TENM3: variants seen among roughly 807,000 people sequenced by gnomAD.
TENM3 encodes the protein teneurin transmembrane protein 3.
TENM3 carries 63 observed loss-of-function variants against 255.1 expected under a neutral mutation model. The observed-to-expected ratio is 0.25, with a 90% CI of 0.20 to 0.30. TENM3 has a LOEUF of 0.30. Ranked by LOEUF, TENM3 falls within the 10% of genes least tolerant of loss-of-function variation. The pLI, the probability that TENM3 is intolerant of heterozygous loss-of-function variation, is 1.00. For synonymous variants in TENM3, 1,306 were observed against 1,322.3 expected (o/e 0.99, Z 0.27); for missense variants, 2,929 against 3,461.1 (o/e 0.85, Z 3.86).
At chr4:182,635,306 C>T (rs1311841306) in intron 5 of TENM3, among the ~76,000 whole-genome samples, 1 of 152,146 alleles carries the variant, frequency 6.6e-6, no homozygotes, top group African/African-American at 2.4e-5. Context: ...GTGATTTATC[C>T]ATTTAAATAT....
the TENM3 span, among the ~76,000 whole-genome samples, chr4:181,674,800 C>CT: frequency 1.3e-5 from 2 of 152,060 alleles, no homozygotes; most frequent in Non-Finnish European, 2.9e-5. Flanking sequence ...AAATGTCTTG[C>CT]TTTTTTTAAA....
chr4:182,027,874 CTGG>C, the TENM3 span, among the ~76,000 whole-genome samples: 3 of 151,440 alleles, frequency 2.0e-5, no homozygotes, highest in South Asian at 2.1e-4. Flanking sequence ...TGCTAGTATT[CTGG>C]TGATGATTTT....
intron 5 of TENM3, among the ~76,000 whole-genome samples, chr4:182,648,604 T>C (rs983267757): frequency 6.6e-6 from 1 of 152,092 alleles, no homozygotes; most frequent in Non-Finnish European, 1.5e-5. Flanking sequence ...TTTATTTAAG[T>C]ATAATATACA....
chr4:181,579,201 G>C, the TENM3 span, among the ~76,000 whole-genome samples: 1 of 152,150 alleles, frequency 6.6e-6, no homozygotes, highest in South Asian at 2.1e-4. Context: ...ATAAGCATCA[G>C]TTGTGAGAAA....
chr4:182,552,891 T>G (rs1206494828), intron 3 of TENM3, among the ~76,000 whole-genome samples: 1 of 152,180 alleles, frequency 6.6e-6, no homozygotes, highest in African/African-American at 2.4e-5. Flanking sequence ...TGTGACTGAA[T>G]TTAGGGATTA....
chr4:181,902,416 A>C, the TENM3 span, among the ~76,000 whole-genome samples: 2 of 152,126 alleles, frequency 1.3e-5, no homozygotes, highest in Admixed American at 1.3e-4. Context: ...TGTTTTAGTC[A>C]GGAAGTCTTT....
chr4:181,635,967 T>G, the TENM3 span, among the ~76,000 whole-genome samples: 1 of 152,256 alleles, frequency 6.6e-6, no homozygotes, highest in African/African-American at 2.4e-5. Context: ...GATACACATA[T>G]GCCATATATA....
chr4:182,330,907 TAA>T (rs1647333724), intron 2 of TENM3, among the ~76,000 whole-genome samples: 1 of 152,170 alleles, frequency 6.6e-6, no homozygotes, highest in South Asian at 2.1e-4. Flanking sequence ...AGTAGAAAAG[TAA>T]AAGTGTTCCA....
At chr4:182,466,751 C>G (rs555497179) in intron 3 of TENM3, among the ~76,000 whole-genome samples, 1 of 151,958 alleles carries the variant, frequency 6.6e-6, no homozygotes, top group Non-Finnish European at 1.5e-5. Flanking sequence ...GGTCACATTC[C>G]GAGCTTCTTG....
chr4:181,860,986 T>A, the TENM3 span, among the ~76,000 whole-genome samples: 1 of 152,000 alleles, frequency 6.6e-6, no homozygotes, highest in Non-Finnish European at 1.5e-5. Flanking sequence ...CAAACAGGGG[T>A]TGATATCGAA....
At chr4:181,629,074 G>T in the TENM3 span, among the ~76,000 whole-genome samples, 1 of 151,964 alleles carries the variant, frequency 6.6e-6, no homozygotes, top group African/African-American at 2.4e-5. Context: ...TGGATTCCTG[G>T]GTATTTTATT....
At chr4:181,612,862 A>G in the TENM3 span, among the ~76,000 whole-genome samples, 1 of 152,216 alleles carries the variant, frequency 6.6e-6, no homozygotes, top group African/African-American at 2.4e-5. Flanking sequence ...TTTAAATAAA[A>G]AAGATACAAC....
At chr4:181,880,597 A>G in the TENM3 span, among the ~76,000 whole-genome samples, 1 of 152,228 alleles carries the variant, frequency 6.6e-6, no homozygotes, top group Non-Finnish European at 1.5e-5. Flanking sequence ...AAAGTAGTGA[A>G]TATGGTGATA....
chr4:182,673,300 G>A, intron 7 of TENM3, 81 bp downstream of exon 7: 1 of 1,006,850 alleles, frequency 9.9e-7, no homozygotes, highest in Non-Finnish European at 1.4e-6. Context: ...AAGCTCAGCT[G>A]TTTGGTTAAC....
intron 13 of TENM3, among the ~76,000 whole-genome samples, chr4:182,721,095 G>A (rs561609976): frequency 2.0e-5 from 3 of 152,172 alleles, no homozygotes; most frequent in Middle Eastern, 3.4e-3. Context: ...TTTTACACCC[G>A]TGCCCAGCAG....
chr4:182,062,694 C>A, the TENM3 span, among the ~76,000 whole-genome samples: 1 of 152,316 alleles, frequency 6.6e-6, no homozygotes, highest in Non-Finnish European at 1.5e-5. Flanking sequence ...TGTTTAGACA[C>A]ATTCTCAGAT....
the TENM3 span, among the ~76,000 whole-genome samples, chr4:182,038,996 G>A: frequency 6.6e-6 from 1 of 152,110 alleles, no homozygotes; most frequent in Non-Finnish European, 1.5e-5. Context: ...GCCTTCCAAA[G>A]TGCTGGGATT....
chr4:181,462,619 C>G, the TENM3 span, among the ~76,000 whole-genome samples: 5 of 152,302 alleles, frequency 3.3e-5, no homozygotes, highest in Non-Finnish European at 5.9e-5. Flanking sequence ...GTCCATGTTA[C>G]TAAATTGTCC....
At chr4:182,316,093 TC>T (rs1762735104) in intron 1 of TENM3, among the ~76,000 whole-genome samples, 1 of 152,230 alleles carries the variant, frequency 6.6e-6, no homozygotes, top group Non-Finnish European at 1.5e-5. Flanking sequence ...TTTTCCTTCT[TC>T]TTTGCATACC....
Sources: allele counts gnomAD v4.1 joint callset (sites outside exome capture counted in the v4.1 genomes callset), GRCh38; gene constraint gnomAD v4.1.1; transcripts MANE v1.5; gene names NCBI Gene and HGNC (gene_info 2026-07-23, HGNC 2026-07-21).